DYM: variants seen among roughly 807,000 people sequenced by gnomAD.
DYM encodes dymeclin.
DYM carries 78 observed loss-of-function variants against 93.1 expected under a neutral mutation model. The ratio of observed to expected loss-of-function variants is 0.84; its 90% confidence interval spans 0.70 to 1.01. The LOEUF is 1.01. DYM is among the 50% of genes least tolerant of loss of function. The pLI is 0.00. For missense variants in DYM, 789 were observed against 845.0 expected (o/e 0.93, Z 0.82); for synonymous variants, 321 against 319.7 (o/e 1.00, Z -0.04).
intron 1 of DYM, among the ~76,000 whole-genome samples, chr18:49,447,686 G>C (rs563236809): frequency 3.3e-5 from 5 of 152,106 alleles, no homozygotes; most frequent in African/African-American, 1.2e-4. Context: ...ATGCGGTGTC[G>C]GCAACAGGAT....
intron 15 of DYM, among the ~76,000 whole-genome samples, chr18:49,120,850 G>T (rs182370782): frequency 1.3e-5 from 2 of 152,092 alleles, no homozygotes; most frequent in East Asian, 3.9e-4. Context: ...GTCTCACTCT[G>T]TCACCTAGGC....
In DYM at chr18:49,258,389, A is replaced by G. The variant is rs974707136; in HGVS notation, c.1356T>C (p.Thr452=). 2 of 1,600,570 alleles carry G rather than the reference A, an allele frequency of 1.2e-6. No individual in the cohort carries two copies. The highest frequency in any genetic ancestry group is 1.3e-5 in the African/African-American group (1 of 74,814). The part of the protein sequence containing the change: ...VVIRTIQYNM[T]RTRDKYLHTN... ...CAGCTGGAATACTTACTCGTGTCCTAGTCATGTTGTATTGAATGGTTCTTA... is the reference window on the plus strand; with the variant it reads ...CAGCTGGAATACTTACTCGTGTCCTGGTCATGTTGTATTGAATGGTTCTTA... Residue 452 remains threonine (T), a synonymous_variant, in exon 12 of 18, where the codon ACT becomes ACC. Coordinates refer to ENST00000675505, the MANE Select transcript of DYM (RefSeq NM_001353214.3).
In DYM at chr18:49,286,447, G is replaced by A. The variant is rs779000150; in HGVS notation, c.933C>T (p.Phe311=). 2 of 1,614,026 alleles carry A rather than the reference G, an allele frequency of 1.2e-6. No homozygotes were observed. Among genetic ancestry groups the A allele is most frequent in the South Asian group, 2.2e-5 (2 of 91,084 alleles). Residue 311 remains phenylalanine (F), a synonymous_variant, in exon 9 of 18, where the codon TTC becomes TTT. Coordinates refer to ENST00000675505, the MANE Select transcript of DYM (RefSeq NM_001353214.3). ...PNPYRQAIMS[F]KNTQDSSPFP... ...AATACCACAAACCTTGTGTGTTCTT[G>A]AAGGACATAATGGCTTGTCTGTAGG...
At chr18:49,244,013 T>A (rs536354011) in intron 13 of DYM, among the ~76,000 whole-genome samples, 75 of 152,148 alleles carry the variant, frequency 4.9e-4, no homozygotes, top group East Asian at 2.3e-3. Context: ...GATTTTTTTT[T>A]AAAAAAGTCA....
intron 13 of DYM, among the ~76,000 whole-genome samples, chr18:49,219,085 T>C (rs973145376): frequency 2.0e-5 from 3 of 151,962 alleles, no homozygotes; most frequent in African/African-American, 7.3e-5. Context: ...TCACCACCGA[T>C]CCCACAGAAA....
intron 8 of DYM, among the ~76,000 whole-genome samples, chr18:49,312,537 T>C (rs989871897): frequency 6.6e-6 from 1 of 152,150 alleles, no homozygotes; most frequent in Non-Finnish European, 1.5e-5. Flanking sequence ...CTTTCCCACC[T>C]TCAGGTAAAG....
intron 2 of DYM, among the ~76,000 whole-genome samples, chr18:49,407,430 A>G (rs1568391003): frequency 1.3e-5 from 2 of 152,264 alleles, no homozygotes; most frequent in Admixed American, 6.5e-5. Context: ...TTCAAGCTGT[A>G]TAAGAAGCAT....
intron 1 of DYM, among the ~76,000 whole-genome samples, chr18:49,458,132 A>G (rs1051490962): frequency 6.6e-6 from 1 of 152,272 alleles, no homozygotes; most frequent in African/African-American, 2.4e-5. Flanking sequence ...GATACATAAC[A>G]TTAAACAACT....
chr18:49,099,901 C>CA (rs771990680), intron 16 of DYM, among the ~76,000 whole-genome samples: 2 of 152,148 alleles, frequency 1.3e-5, no homozygotes, highest in Admixed American at 6.5e-5. Context: ...CCAGCTCTGC[C>CA]ATTATCTTTT....
At chr18:49,139,181 A>T (rs1308017118) in intron 15 of DYM, among the ~76,000 whole-genome samples, 1 of 152,088 alleles carries the variant, frequency 6.6e-6, no homozygotes, top group Non-Finnish European at 1.5e-5. Flanking sequence ...TTTTTATCAG[A>T]GTGATAAGAG....
chr18:49,064,083 C>T (rs1289775226), intron 17 of DYM, among the ~76,000 whole-genome samples: 1 of 152,070 alleles, frequency 6.6e-6, no homozygotes, highest in Non-Finnish European at 1.5e-5. Context: ...CCAGTCACTC[C>T]CAAAAGGACT....
intron 14 of DYM, 40 bp from the exon 15 acceptor site, chr18:49,163,827 T>C: frequency 7.6e-7 from 1 of 1,308,578 alleles, no homozygotes; most frequent in Non-Finnish European, 1.1e-6. Flanking sequence ...TTAAAGGAAC[T>C]GTTTTCTTTT....
intron 11 of DYM, among the ~76,000 whole-genome samples, chr18:49,261,786 C>A (rs902726618): frequency 3.7e-4 from 57 of 152,242 alleles, no homozygotes; most frequent in African/African-American, 1.3e-3. Flanking sequence ...ACATTACCAA[C>A]TGTTAATATT....
At chr18:49,082,692 G>C (rs2078162949) in intron 17 of DYM, among the ~76,000 whole-genome samples, 2 of 152,144 alleles carry the variant, frequency 1.3e-5, no homozygotes, top group Non-Finnish European at 2.9e-5. Flanking sequence ...TGGAAACATG[G>C]GTAGAATTTC....
chr18:49,044,833 G>A (rs758370823), intron 17 of DYM, among the ~76,000 whole-genome samples: 3 of 152,254 alleles, frequency 2.0e-5, no homozygotes, highest in Non-Finnish European at 4.4e-5. Flanking sequence ...TGGAGTCTGG[G>A]AAAAGGCCTA....
intron 2 of DYM, among the ~76,000 whole-genome samples, chr18:49,406,297 C>T (rs1441545470): frequency 1.3e-5 from 2 of 152,068 alleles, no homozygotes; most frequent in Non-Finnish European, 2.9e-5. Flanking sequence ...TGGTGGCTCA[C>T]GCCTGTAATC....
chr18:49,342,929 T>A (rs1313756457), intron 6 of DYM, among the ~76,000 whole-genome samples: 1 of 152,202 alleles, frequency 6.6e-6, no homozygotes, highest in Non-Finnish European at 1.5e-5. Flanking sequence ...AACAATGTAT[T>A]TCTCACAATA....
In DYM at chr18:49,453,076, G is replaced by A. The variant is rs940379352; in HGVS notation, c.-54+7322C>T. Reference sequence around the variant, plus strand: ...TGTGTCTAGCTCAAGGTTTGTAAATGTACCAATCCACACCCTGTGTCTAGC... The same window carrying A: ...TGTGTCTAGCTCAAGGTTTGTAAATATACCAATCCACACCCTGTGTCTAGC... On this transcript the variant is annotated intron_variant, in intron 1 of 17. Transcript: ENST00000675505. Among the ~76,000 whole-genome samples, 20 of 133,288 alleles carry A rather than the reference G, an allele frequency of 1.5e-4. 6 individuals carry two copies. Among genetic ancestry groups the A allele is most frequent in the Non-Finnish European group, 1.6e-5 (1 of 61,784 alleles). The allele number at this position is 133,288 out of a possible 152,430, so 87.4% of individuals were successfully genotyped here.
At chr18:49,426,096 C>T (rs1470974280) in intron 2 of DYM, among the ~76,000 whole-genome samples, 2 of 152,108 alleles carry the variant, frequency 1.3e-5, no homozygotes, top group African/African-American at 4.8e-5. Context: ...CACATGCACA[C>T]ATATGTTTAT....
Sources: gnomAD v4.1 joint callset for allele counts (sites outside exome capture counted in the v4.1 genomes callset) on GRCh38, gnomAD v4.1.1 for gene constraint, MANE v1.5 for transcripts, NCBI Gene and HGNC (gene_info 2026-07-23, HGNC 2026-07-21) for gene names.